RNF111: variants seen among roughly 807,000 people sequenced by gnomAD.
The protein encoded by RNF111 is E3 ubiquitin-protein ligase Arkadia.
In RNF111, 17 loss-of-function variants were observed where a neutral mutation model predicts 95.1. The observed-to-expected ratio is 0.18, with a 90% confidence interval of 0.12 to 0.27. RNF111 has a LOEUF of 0.27. Among genes scored for constraint, RNF111 ranks in the 10% least tolerant of loss-of-function variants. RNF111 has a pLI of 1.00. For missense variants in RNF111, 1,189 were observed against 1,210.4 expected (o/e 0.98, Z 0.26); for synonymous variants, 440 against 414.8 (o/e 1.06, Z -0.74).
At chr15:59,007,279 T>C (rs2141499558) in intron 1 of RNF111, among the ~76,000 whole-genome samples, 1 of 152,214 alleles carries the variant, frequency 6.6e-6, no homozygotes, top group African/African-American at 2.4e-5. Flanking sequence ...TTTTTTTTTT[T>C]TTTTACTTTA....
intron 1 of RNF111, among the ~76,000 whole-genome samples, chr15:59,000,733 C>G (rs34877400): frequency 0.052 from 7,892 of 151,682 alleles, 347 homozygotes; most frequent in East Asian, 0.24. Context: ...AAGATAACTG[C>G]TGCTGCAGAG....
At chr15:59,093,361 T>TTTTTTTTC in intron 13 of RNF111, 1 of 360,022 alleles carries the variant, frequency 2.8e-6, no homozygotes, top group Admixed American at 3.9e-5. Context: ...TTTTTTTTTT[T>TTTTTTTTC]CCTTTTCTGG....
At chr15:59,044,016 A>G (rs115809334) in intron 2 of RNF111, among the ~76,000 whole-genome samples, 2,326 of 152,242 alleles carry the variant, frequency 0.015, 65 homozygotes, top group African/African-American at 0.053. Context: ...GTGCTCACAG[A>G]TTGGAAACTG....
At chr15:59,043,890 G>A (rs1392518727) in intron 2 of RNF111, among the ~76,000 whole-genome samples, 1 of 152,126 alleles carries the variant, frequency 6.6e-6, no homozygotes, top group Admixed American at 6.6e-5. Flanking sequence ...CTTTAGAATT[G>A]GAATTAGCTT....
intron 3 of RNF111, among the ~76,000 whole-genome samples, chr15:59,054,101 A>G (rs2042106915): frequency 6.6e-6 from 1 of 151,750 alleles, no homozygotes; most frequent in African/African-American, 2.4e-5. Context: ...ACACCTGGCT[A>G]ATTTTTTTTG....
At chr15:59,080,174 G>A (rs1596296010) in intron 7 of RNF111, among the ~76,000 whole-genome samples, 1 of 144,558 alleles carries the variant, frequency 6.9e-6, no homozygotes, top group African/African-American at 2.6e-5. Context: ...AGGCTGGGGT[G>A]CAGTGGCATG....
chr15:59,076,995 C>T (rs1345550339), intron 7 of RNF111, among the ~76,000 whole-genome samples: 1 of 152,214 alleles, frequency 6.6e-6, no homozygotes, highest in Non-Finnish European at 1.5e-5. Context: ...TTAAAAAAAT[C>T]TGCATCGTGC....
chr15:59,076,849 G>T (rs970783014), intron 7 of RNF111, among the ~76,000 whole-genome samples: 3 of 152,194 alleles, frequency 2.0e-5, no homozygotes, highest in South Asian at 2.1e-4. Context: ...TAAACACTTG[G>T]CTGATAAACA....
At chr15:59,021,171 G>A (rs542998716) in intron 1 of RNF111, among the ~76,000 whole-genome samples, 1 of 152,254 alleles carries the variant, frequency 6.6e-6, no homozygotes, top group African/African-American at 2.4e-5. Context: ...GTTTGTTTGA[G>A]ATGAAGTCTT....
intron 2 of RNF111, among the ~76,000 whole-genome samples, chr15:59,040,160 G>A (rs1279117746): frequency 6.6e-6 from 1 of 151,816 alleles, no homozygotes; most frequent in Admixed American, 6.6e-5. Context: ...TGTTGCCTAG[G>A]CTGGAGAGCA....
intron 1 of RNF111, among the ~76,000 whole-genome samples, chr15:58,998,523 G>A (rs539957585): frequency 6.6e-6 from 1 of 152,094 alleles, no homozygotes; most frequent in Non-Finnish European, 1.5e-5. Context: ...TTTGAGAAAA[G>A]AACTTGTTTG....
chr15:59,084,482 T>G lies in RNF111; in HGVS notation c.2423+228T>G, dbSNP rs371353832. ...GTAGTACTTTTTTTAGGTGTTATTT[T>G]ATGTTTAATTGAAAAATAATAATTG... On this transcript the variant is annotated intron_variant, in intron 9 of 13. Transcript: ENST00000348370. The G allele has an allele frequency of 7.0e-5, 25 of 354,994 alleles. No homozygotes were observed. The South Asian group carries it at 2.6e-3, about 37-fold the overall frequency. 22.0% of individuals were successfully genotyped at this position (354,994 alleles called of 1,614,324 possible).
chr15:59,043,225 G>A (rs1004940443), intron 2 of RNF111, among the ~76,000 whole-genome samples: 4 of 150,710 alleles, frequency 2.7e-5, no homozygotes, highest in African/African-American at 7.3e-5. Flanking sequence ...TGCGATCTCC[G>A]CTCACTGCAG....
chr15:59,064,284 C>T (rs1379912161), intron 5 of RNF111, among the ~76,000 whole-genome samples: 1 of 151,978 alleles, frequency 6.6e-6, no homozygotes, highest in Non-Finnish European at 1.5e-5. Context: ...GCCTGTAATC[C>T]CAGCACTTTG....
intron 1 of RNF111, among the ~76,000 whole-genome samples, chr15:59,008,509 G>A (rs762241456): frequency 1.3e-5 from 2 of 152,138 alleles, no homozygotes; most frequent in African/African-American, 2.4e-5. Flanking sequence ...GTGAGCCACC[G>A]CACTCAGCCT....
chr15:59,083,907 C>G (rs1336495206), intron 8 of RNF111: 8 of 271,210 alleles, frequency 2.9e-5, no homozygotes, highest in Non-Finnish European at 5.2e-5. Context: ...GAATTGGAAG[C>G]ATTGGAATAA....
chr15:59,055,599 T>G, intron 3 of RNF111, 83 bp from the exon 4 acceptor site: 1 of 1,070,748 alleles, frequency 9.3e-7, no homozygotes, highest in Admixed American at 3.2e-5. Context: ...AACTTAACAT[T>G]TAGTAAGAAA....
chr15:59,092,646 T>C lies in RNF111; in HGVS notation c.2843+6T>C, dbSNP rs761046366. 1 of 1,600,774 alleles carries C rather than the reference T, an allele frequency of 6.2e-7. No homozygotes were observed. The highest frequency in any genetic ancestry group is 8.5e-7 in the Non-Finnish European group (1 of 1,172,826). ...GAGGAAGGTGAAGATGTGAGGTAAC[T>C]AGATATTAATTATCTAAAATCCATT... On this transcript the variant is annotated splice_donor_region_variant and intron_variant, in intron 13 of 13. Coordinates refer to ENST00000348370, the MANE Select transcript of RNF111 (RefSeq NM_017610.8).
At chr15:59,083,572 G>T (rs999108591) in intron 8 of RNF111, among the ~76,000 whole-genome samples, 16 of 151,158 alleles carry the variant, frequency 1.1e-4, no homozygotes, top group Middle Eastern at 3.5e-3. Flanking sequence ...CTAAATACAC[G>T]TTTCCTAGGT....
Sources: allele counts gnomAD v4.1 joint callset (sites outside exome capture counted in the v4.1 genomes callset), GRCh38; gene constraint gnomAD v4.1.1; transcripts MANE v1.5; gene names NCBI Gene and HGNC (gene_info 2026-07-23, HGNC 2026-07-21).